The following BRINP3 variants were observed in gnomAD, a reference collection of about 807,000 sequenced individuals.
The protein encoded by BRINP3 is BMP/retinoic acid-inducible neural-specific protein 3.
BRINP3 carries 19 observed loss-of-function variants against 71.0 expected under a neutral mutation model. The observed-to-expected ratio is 0.27, with a 90% confidence interval of 0.19 to 0.39. The LOEUF is 0.39. Ranked by LOEUF, BRINP3 falls within the 10% of genes least tolerant of loss-of-function variation. The pLI is 1.00. For missense variants in BRINP3, 959 were observed against 940.8 expected (o/e 1.02, Z -0.25); for synonymous variants, 380 against 337.7 (o/e 1.13, Z -1.37).
chr1:190,316,372 G>A (rs1665882665), intron 2 of BRINP3, among the ~76,000 whole-genome samples: 1 of 152,076 alleles, frequency 6.6e-6, no homozygotes, highest in South Asian at 2.1e-4. Context: ...GTGTGGCAGA[G>A]TCAGAATTGA....
intron 6 of BRINP3, among the ~76,000 whole-genome samples, chr1:190,176,675 C>G (rs908673232): frequency 6.6e-6 from 1 of 152,052 alleles, no homozygotes; most frequent in Non-Finnish European, 1.5e-5. Context: ...ATTTCTTTAC[C>G]TTTTTTTCAT....
chr1:190,373,526 A>G (rs954707428), intron 2 of BRINP3, among the ~76,000 whole-genome samples: 2 of 151,590 alleles, frequency 1.3e-5, no homozygotes, highest in Non-Finnish European at 2.9e-5. Context: ...ATTTATACCA[A>G]TGATCTTCAT....
At chr1:190,200,632 T>C (rs182167393) in intron 6 of BRINP3, among the ~76,000 whole-genome samples, 1 of 152,188 alleles carries the variant, frequency 6.6e-6, no homozygotes, top group East Asian at 1.9e-4. Flanking sequence ...TGACTCTATG[T>C]CCCCACCCAA....
intron 2 of BRINP3, among the ~76,000 whole-genome samples, chr1:190,388,661 T>C (rs531849310): frequency 3.3e-5 from 5 of 151,736 alleles, no homozygotes; most frequent in Non-Finnish European, 5.9e-5. Flanking sequence ...ACTTCCAGAC[T>C]CCAGAAACAT....
intron 2 of BRINP3, among the ~76,000 whole-genome samples, chr1:190,354,066 C>A (rs892701979): frequency 6.6e-6 from 1 of 151,984 alleles, no homozygotes; most frequent in Non-Finnish European, 1.5e-5. Context: ...GATCCAGTCT[C>A]ATTTCTCTGT....
intron 2 of BRINP3, among the ~76,000 whole-genome samples, chr1:190,447,154 G>A (rs1318505604): frequency 2.0e-5 from 3 of 151,358 alleles, no homozygotes; most frequent in African/African-American, 7.3e-5. Flanking sequence ...TATTACAGCT[G>A]TTTATAGGAG....
At chr1:190,127,122 A>T (rs1180987425) in intron 7 of BRINP3, among the ~76,000 whole-genome samples, 1 of 151,830 alleles carries the variant, frequency 6.6e-6, no homozygotes, top group Non-Finnish European at 1.5e-5. Context: ...ATGCAGCATT[A>T]TGAGTCTTTT....
intron 2 of BRINP3, among the ~76,000 whole-genome samples, chr1:190,334,105 T>C (rs1284250541): frequency 6.6e-6 from 1 of 151,876 alleles, no homozygotes; most frequent in Admixed American, 6.6e-5. Flanking sequence ...AAATAAAATT[T>C]GTTTAAATAA....
chr1:190,473,548 T>TTG (rs1173959291), intron 1 of BRINP3, among the ~76,000 whole-genome samples: 1 of 150,320 alleles, frequency 6.7e-6, no homozygotes, highest in Non-Finnish European at 1.5e-5. Flanking sequence ...CTCTTTTTTT[T>TTG]TTTTTTTTGC....
Position 190,114,684 on chromosome 1 carries a change from G to T in BRINP3, c.1185-15550C>A, listed in dbSNP as rs192342775. On this transcript the variant is annotated intron_variant, in intron 7 of 7. Transcript: ENST00000367462. Reference sequence around the variant, plus strand: ...ATCATCTCATTTAGTACACAAATGGGAATCCTTACAGTGGCCCGTAAGACC... The same window carrying T: ...ATCATCTCATTTAGTACACAAATGGTAATCCTTACAGTGGCCCGTAAGACC... Among the ~76,000 whole-genome samples the T allele has an allele frequency of 2.4e-4, 36 of 152,028 alleles. No homozygotes were observed. The East Asian group carries it at 5.4e-3, about 23-fold the overall frequency.
At chr1:190,410,360 G>GT (rs1672583326) in intron 2 of BRINP3, among the ~76,000 whole-genome samples, 1 of 151,868 alleles carries the variant, frequency 6.6e-6, no homozygotes, top group African/African-American at 2.4e-5. Context: ...AGGTGTTTTT[G>GT]TTTTTTATTT....
intron 7 of BRINP3, among the ~76,000 whole-genome samples, chr1:190,128,062 T>C (rs1177425380): frequency 2.0e-5 from 3 of 151,766 alleles, no homozygotes; most frequent in Non-Finnish European, 3.0e-5. Flanking sequence ...CTAAATACAA[T>C]GGAGTTGGAA....
At chr1:190,156,893 T>C (rs574404609) in intron 7 of BRINP3, among the ~76,000 whole-genome samples, 10 of 152,074 alleles carry the variant, frequency 6.6e-5, no homozygotes, top group African/African-American at 2.2e-4. Context: ...GATTTCAGCT[T>C]CCCACATTTT....
intron 3 of BRINP3, among the ~76,000 whole-genome samples, chr1:190,272,688 T>C (rs1249764197): frequency 1.3e-5 from 2 of 151,420 alleles, no homozygotes; most frequent in East Asian, 1.9e-4. Context: ...AATCAAAATA[T>C]ATAGGATTAC....
chr1:190,109,352 A>G (rs1446288773), intron 7 of BRINP3, among the ~76,000 whole-genome samples: 1 of 152,222 alleles, frequency 6.6e-6, no homozygotes, highest in Non-Finnish European at 1.5e-5. Flanking sequence ...GATTAACAAA[A>G]GTCATTCTGG....
chr1:190,295,708 T>C (rs946192731), intron 2 of BRINP3, among the ~76,000 whole-genome samples: 9 of 152,096 alleles, frequency 5.9e-5, no homozygotes, highest in African/African-American at 2.2e-4. Context: ...TGCCCTGTGT[T>C]GTATTCCACT....
intron 2 of BRINP3, among the ~76,000 whole-genome samples, chr1:190,289,972 A>G (rs955087633): frequency 5.3e-5 from 8 of 152,040 alleles, no homozygotes; most frequent in African/African-American, 1.9e-4. Flanking sequence ...AATGACCCAT[A>G]GTAGTCACTC....
intron 6 of BRINP3, chr1:190,217,144 A>G (rs1379643934): frequency 6.6e-6 from 1 of 151,966 alleles, no homozygotes; most frequent in Non-Finnish European, 1.5e-5. Flanking sequence ...AGAAACATGT[A>G]AAGAGTGCAC....
intron 2 of BRINP3, among the ~76,000 whole-genome samples, chr1:190,336,740 A>G (rs904207574): frequency 6.6e-6 from 1 of 151,938 alleles, no homozygotes; most frequent in Admixed American, 6.6e-5. Flanking sequence ...ACTAAGTAAT[A>G]TTCCACTAAA....
Sources: allele counts gnomAD v4.1 joint callset (sites outside exome capture counted in the v4.1 genomes callset), GRCh38; gene constraint gnomAD v4.1.1; transcripts MANE v1.5; gene names NCBI Gene and HGNC (gene_info 2026-07-23, HGNC 2026-07-21).